COL4A2: variants seen among roughly 807,000 people sequenced by gnomAD.
The protein encoded by COL4A2 is collagen type IV alpha 2 chain.
COL4A2 carries 99 observed loss-of-function variants against 200.2 expected under a neutral mutation model. The observed-to-expected ratio is 0.49, with a 90% confidence interval of 0.42 to 0.58. COL4A2 has a LOEUF of 0.58. Among genes scored for constraint, COL4A2 ranks in the 20% least tolerant of loss-of-function variants. COL4A2 has a pLI of 0.00. For missense variants in COL4A2, 1,950 were observed against 2,314.1 expected, an observed-to-expected ratio of 0.84 and a Z score of 3.23; for synonymous variants, 897 against 900.6, an observed-to-expected ratio of 1.00 and a Z score of 0.07.
intron 3 of COL4A2, among the ~76,000 whole-genome samples, chr13:110,310,216 T>C (rs1300144051): frequency 6.6e-6 from 1 of 152,116 alleles, no homozygotes; most frequent in Non-Finnish European, 1.5e-5. Flanking sequence ...ACCAAGAACA[T>C]TGATTGCCCA....
At chr13:110,484,803 G>C in intron 32 of COL4A2, 102 bp from the exon 33 acceptor site, 2 of 1,434,276 alleles carry the variant, frequency 1.4e-6, no homozygotes, top group Non-Finnish European at 1.9e-6. Flanking sequence ...TCCCTGCTTG[G>C]GGGAGACGTG....
At chr13:110,308,693 T>C (rs1355667297) in intron 3 of COL4A2, among the ~76,000 whole-genome samples, 1 of 152,120 alleles carries the variant, frequency 6.6e-6, no homozygotes, top group African/African-American at 2.4e-5. Flanking sequence ...CTGGAAGAGC[T>C]GCTCCGGGCG....
At chr13:110,424,655 A>C in intron 4 of COL4A2, 79 bp from the exon 5 acceptor site, 2 of 917,562 alleles carry the variant, frequency 2.2e-6, no homozygotes, top group Non-Finnish European at 3.3e-6. Flanking sequence ...AAAAAAATGT[A>C]GTTTTGAAAG....
chr13:110,381,040 A>AT (rs1878465048), intron 4 of COL4A2, among the ~76,000 whole-genome samples: 1 of 136,602 alleles, frequency 7.3e-6, no homozygotes, highest in Admixed American at 7.4e-5. Context: ...TCTGTCTCAC[A>AT]CCTACGGGCT....
At chr13:110,431,142 C>T (rs537839737) in intron 10 of COL4A2, among the ~76,000 whole-genome samples, 2 of 152,124 alleles carry the variant, frequency 1.3e-5, no homozygotes, top group Non-Finnish European at 2.9e-5. Context: ...CACCACTGCA[C>T]AATGAGCTGG....
intron 28 of COL4A2, among the ~76,000 whole-genome samples, chr13:110,472,198 C>T (rs1882498345): frequency 6.6e-6 from 1 of 151,476 alleles, no homozygotes; most frequent in African/African-American, 2.4e-5. Context: ...TCACTGCAAG[C>T]TCCGCCTCCC....
chr13:110,326,997 T>G (rs918939079), intron 3 of COL4A2, among the ~76,000 whole-genome samples: 3 of 152,206 alleles, frequency 2.0e-5, no homozygotes, highest in Admixed American at 6.5e-5. Context: ...CCAGAAGTTT[T>G]AAGAAATATT....
rs561276858 is a variant in COL4A2 at position 110,438,572 on chromosome 13, G to A, written c.862-46G>A. The A allele has an allele frequency of 9.2e-5, 149 of 1,613,214 alleles. 1 individual carries two copies. The East Asian group carries it at 3.3e-3, about 35-fold the overall frequency. On this transcript the variant is annotated intron_variant, in intron 14 of 47. Coordinates refer to ENST00000360467, the MANE Select transcript of COL4A2 (RefSeq NM_001846.4). The stretch of plus-strand genomic sequence containing the variant: ...GACACGTGGGCCCTGTTGGCTGGAG[G>A]GGCCGCCCCTGGGTTGCTCCTTACG...
At chr13:110,460,470 A>T (rs1024618056) in intron 22 of COL4A2, among the ~76,000 whole-genome samples, 1 of 152,174 alleles carries the variant, frequency 6.6e-6, no homozygotes, top group Non-Finnish European at 1.5e-5. Flanking sequence ...CTGCACATAT[A>T]CCAATGGCAA....
chr13:110,349,464 G>A (rs1046045886), intron 3 of COL4A2, among the ~76,000 whole-genome samples: 6 of 152,150 alleles, frequency 3.9e-5, no homozygotes, highest in Admixed American at 1.3e-4. Context: ...AGGAGGACCG[G>A]ATGTCCTCTT....
chr13:110,446,784 T>C lies in COL4A2; in HGVS notation c.1012-14T>C. 1 of 1,608,180 alleles carries C rather than the reference T, an allele frequency of 6.2e-7. No homozygotes were observed. The highest frequency in any genetic ancestry group is 8.5e-7 in the Non-Finnish European group (1 of 1,175,268). The stretch of plus-strand genomic sequence containing the variant: ...GCTATTCTCACATCCTGTTTTTCTC[T>C]TTTCTTTCTCTAGGGAGAAGCCGGA... On this transcript the variant is annotated splice_polypyrimidine_tract_variant and intron_variant, in intron 17 of 47. Coordinates refer to ENST00000360467, the MANE Select transcript of COL4A2 (RefSeq NM_001846.4).
chr13:110,510,992 T>C (rs1284732411), intron 47 of COL4A2, among the ~76,000 whole-genome samples: 1 of 152,166 alleles, frequency 6.6e-6, no homozygotes, highest in Admixed American at 6.5e-5. Context: ...TTTTTGTATT[T>C]AAAGGAAAGC....
intron 3 of COL4A2, among the ~76,000 whole-genome samples, chr13:110,346,300 T>A (rs1876696417): frequency 6.6e-6 from 1 of 152,198 alleles, no homozygotes; most frequent in Admixed American, 6.5e-5. Context: ...TAAGACCTGA[T>A]TCAAAGGAGA....
intron 4 of COL4A2, among the ~76,000 whole-genome samples, chr13:110,376,761 C>T (rs546657502): frequency 2.4e-4 from 37 of 152,228 alleles, no homozygotes; most frequent in Admixed American, 4.6e-4. Flanking sequence ...CCCAGGGGCC[C>T]TACTTGTAAT....
At chr13:110,333,861 C>T (rs1876044680) in intron 3 of COL4A2, among the ~76,000 whole-genome samples, 1 of 152,220 alleles carries the variant, frequency 6.6e-6, no homozygotes, top group Non-Finnish European at 1.5e-5. Flanking sequence ...AGGTCCTGGG[C>T]AAGGTGCTTT....
At chr13:110,382,810 G>A (rs1387778093) in intron 4 of COL4A2, among the ~76,000 whole-genome samples, 10 of 152,184 alleles carry the variant, frequency 6.6e-5, no homozygotes, top group Admixed American at 6.5e-4. Context: ...AAAAATAGTT[G>A]CATCACATTT....
At chr13:110,428,660 C>A in intron 7 of COL4A2, 77 bp downstream of exon 7, 1 of 786,908 alleles carries the variant, frequency 1.3e-6, no homozygotes, top group South Asian at 2.2e-5. Context: ...CCTGGGGGAG[C>A]CTCCCGCTCA....
chr13:110,354,038 C>T lies in COL4A2; in HGVS notation c.100-3434C>T, dbSNP rs2139383685. Among the ~76,000 whole-genome samples, 4 of 152,272 alleles carry T rather than the reference C, an allele frequency of 2.6e-5. No individual in the cohort carries two copies. The South Asian group carries it at 8.3e-4, about 32-fold the overall frequency. On this transcript the variant is annotated intron_variant, in intron 3 of 47. Coordinates refer to ENST00000360467, the MANE Select transcript of COL4A2 (RefSeq NM_001846.4). ...ACTAAATACAGTGAATATCGTAAAC[C>T]TAGAATAAGGAGTCTGTTAGATCAA...
At chr13:110,455,991 G>A (rs1032904650) in intron 20 of COL4A2, among the ~76,000 whole-genome samples, 1 of 152,166 alleles carries the variant, frequency 6.6e-6, no homozygotes, top group African/African-American at 2.4e-5. Flanking sequence ...ATAGCTGCAG[G>A]GCACACCTGC....
Sources: allele counts gnomAD v4.1 joint callset (sites outside exome capture counted in the v4.1 genomes callset), GRCh38; gene constraint gnomAD v4.1.1; transcripts MANE v1.5; gene names NCBI Gene and HGNC (gene_info 2026-07-23, HGNC 2026-07-21).